Variants in WWOX observed in about 807,000 individuals in gnomAD.
The protein encoded by WWOX is WW domain containing oxidoreductase, also known as WW domain-containing oxidoreductase.
A neutral mutation model predicts 46.2 loss-of-function variants in WWOX; 69 were observed. The ratio of observed to expected loss-of-function variants is 1.49; its 90% CI spans 1.23 to 1.82. The LOEUF is 1.82. Ranked by LOEUF, WWOX falls within the 40% of genes most tolerant of loss-of-function variation. The pLI is 0.00. For synonymous variants in WWOX, 359 were observed against 202.6 expected, an observed-to-expected ratio of 1.77 and a Z score of -6.56; for missense variants, 919 against 542.6, an observed-to-expected ratio of 1.69 and a Z score of -6.89.
chr16:78,800,479 T>A (rs2050857904), intron 8 of WWOX, among the ~76,000 whole-genome samples: 1 of 152,188 alleles, frequency 6.6e-6, no homozygotes. Flanking sequence ...TATCCACACT[T>A]CTTCTTTCTC....
At chr16:78,569,482 G>A (rs190346875) in intron 8 of WWOX, among the ~76,000 whole-genome samples, 147 of 152,302 alleles carry the variant, frequency 9.7e-4, no homozygotes, top group African/African-American at 3.4e-3. Context: ...AAAGTTAAAT[G>A]TTAATGATTC....
intron 8 of WWOX, among the ~76,000 whole-genome samples, chr16:78,730,783 A>T (rs1567521399): frequency 6.6e-6 from 1 of 151,976 alleles, no homozygotes; most frequent in Non-Finnish European, 1.5e-5. Context: ...TCTTTTAGGA[A>T]AAAAAAGTGA....
chr16:79,182,588 A>G (rs1045178839), intron 8 of WWOX, among the ~76,000 whole-genome samples: 2 of 152,074 alleles, frequency 1.3e-5, no homozygotes, highest in Non-Finnish European at 2.9e-5. Context: ...TTAAAGTAGA[A>G]TATCAGGGTG....
chr16:79,200,514 C>G (rs1393712476), intron 8 of WWOX, among the ~76,000 whole-genome samples: 1 of 152,116 alleles, frequency 6.6e-6, no homozygotes, highest in African/African-American at 2.4e-5. Flanking sequence ...CTCTGTCTCC[C>G]CTCCACTACA....
At chr16:78,754,705 T>C (rs1381512202) in intron 8 of WWOX, among the ~76,000 whole-genome samples, 1 of 152,178 alleles carries the variant, frequency 6.6e-6, no homozygotes, top group Non-Finnish European at 1.5e-5. Flanking sequence ...ATGCAGTGCA[T>C]TTATTTGGTT....
intron 8 of WWOX, among the ~76,000 whole-genome samples, chr16:78,490,426 G>GAT (rs2084751919): frequency 6.6e-6 from 1 of 152,142 alleles, no homozygotes; most frequent in African/African-American, 2.4e-5. Context: ...GGACTCCTTT[G>GAT]GTGCTCGTAA....
chr16:79,087,645 G>C (rs953656801), intron 8 of WWOX, among the ~76,000 whole-genome samples: 3 of 152,224 alleles, frequency 2.0e-5, no homozygotes, highest in Admixed American at 6.5e-5. Flanking sequence ...GCCGATGGCT[G>C]TTGGCCCATG....
chr16:78,313,384 G>A (rs966095521), intron 5 of WWOX, among the ~76,000 whole-genome samples: 13 of 151,780 alleles, frequency 8.6e-5, no homozygotes, highest in African/African-American at 2.9e-4. Context: ...TTCTTTTTTT[G>A]AGATGGAGTT....
chr16:78,917,708 G>A (rs1008457165), intron 8 of WWOX, among the ~76,000 whole-genome samples: 1 of 151,974 alleles, frequency 6.6e-6, no homozygotes, highest in Admixed American at 6.6e-5. Context: ...GGCAGGGACT[G>A]TATCTCCTGT....
At chr16:78,497,432 C>T (rs551516080) in intron 8 of WWOX, among the ~76,000 whole-genome samples, 14 of 151,914 alleles carry the variant, frequency 9.2e-5, no homozygotes, top group African/African-American at 1.5e-4. Context: ...GTATATGAAC[C>T]GAAAAACAGG....
At chr16:79,186,515 T>A (rs2051018510) in intron 8 of WWOX, among the ~76,000 whole-genome samples, 1 of 152,234 alleles carries the variant, frequency 6.6e-6, no homozygotes, top group African/African-American at 2.4e-5. Context: ...TCACATTGGA[T>A]TAAGGGCCTA....
intron 5 of WWOX, among the ~76,000 whole-genome samples, chr16:78,176,184 A>AGCCAAAAC (rs2035338719): frequency 6.6e-6 from 1 of 152,158 alleles, no homozygotes; most frequent in African/African-American, 2.4e-5. Flanking sequence ...CTGCATTCTC[A>AGCCAAAAC]TCAGAACCCA....
intron 8 of WWOX, among the ~76,000 whole-genome samples, chr16:79,025,773 G>A (rs1316786475): frequency 5.8e-5 from 5 of 86,642 alleles, no homozygotes; most frequent in African/African-American, 1.4e-4. Flanking sequence ...CTCCCCTGTT[G>A]CCGTTTTCTT....
At chr16:78,239,427 C>G (rs991843367) in intron 5 of WWOX, among the ~76,000 whole-genome samples, 2 of 152,174 alleles carry the variant, frequency 1.3e-5, no homozygotes, top group African/African-American at 4.8e-5. Flanking sequence ...GTTTTGTGTT[C>G]CTGCTCATGG....
At chr16:78,948,020 G>A (rs954536050) in intron 8 of WWOX, among the ~76,000 whole-genome samples, 1 of 152,226 alleles carries the variant, frequency 6.6e-6, no homozygotes, top group African/African-American at 2.4e-5. Context: ...AGGGTGGGAC[G>A]ATGGAGGCCT....
At chr16:78,719,560 G>A (rs981486629) in intron 8 of WWOX, among the ~76,000 whole-genome samples, 7 of 152,042 alleles carry the variant, frequency 4.6e-5, no homozygotes, top group African/African-American at 1.4e-4. Context: ...AGGAGAAGGG[G>A]GACTTTAAGG....
chr16:78,917,325 G>C (rs536093541), intron 8 of WWOX, among the ~76,000 whole-genome samples: 3 of 152,186 alleles, frequency 2.0e-5, no homozygotes, highest in African/African-American at 7.2e-5. Context: ...GGATGGTTCT[G>C]TGGTGTCCCA....
chr16:78,381,290 T>C lies in WWOX; in HGVS notation c.517-5570T>C, dbSNP rs2081952148. The stretch of plus-strand genomic sequence containing the variant: ...ACAAGAAACCCCTTTGATTCCACAC[T>C]TACAGACTCTTGAGTCACTAACACA... On this transcript the variant is annotated intron_variant, in intron 5 of 8. Coordinates refer to ENST00000566780, the MANE Select transcript of WWOX (RefSeq NM_016373.4). Among the ~76,000 whole-genome samples the C allele has an allele frequency of 2.0e-5, 3 of 152,216 alleles. No individual in the cohort carries two copies. The South Asian group carries it at 6.2e-4, about 32-fold the overall frequency.
At chr16:78,595,467 C>G (rs1247828131) in intron 8 of WWOX, among the ~76,000 whole-genome samples, 2 of 152,202 alleles carry the variant, frequency 1.3e-5, no homozygotes, top group Non-Finnish European at 2.9e-5. Context: ...TCCGCCATGT[C>G]TTTGCAACTA....
Sources: allele counts gnomAD v4.1 joint callset (sites outside exome capture counted in the v4.1 genomes callset), GRCh38; gene constraint gnomAD v4.1.1; transcripts MANE v1.5; gene names NCBI Gene and HGNC (gene_info 2026-07-23, HGNC 2026-07-21).